LRRC28: variants seen among roughly 807,000 people sequenced by gnomAD.
LRRC28 encodes leucine rich repeat containing 28, also known as leucine-rich repeat-containing protein 28.
LRRC28 carries 39 observed loss-of-function variants against 45.7 expected under a neutral mutation model. The ratio of observed to expected loss-of-function variants is 0.85; its 90% CI spans 0.66 to 1.12. The LOEUF (loss-of-function observed/expected upper bound fraction) is 1.12, where lower values mean the gene tolerates loss of function less well. Among genes scored for constraint, LRRC28 ranks in the 50% most tolerant of loss-of-function variants. The probability of loss-of-function intolerance (pLI) is 0.00; values close to 1 mark genes in which losing one functional copy is unlikely to be tolerated. For missense variants in LRRC28, 435 were observed against 438.5 expected, an observed-to-expected ratio of 0.99 and a Z score of 0.07; for synonymous variants, 206 against 178.8, an observed-to-expected ratio of 1.15 and a Z score of -1.22.
intron 5 of LRRC28, 172 bp from the exon 6 acceptor site, chr15:99,333,751 C>A: frequency 1.5e-6 from 1 of 677,130 alleles, no homozygotes; most frequent in Non-Finnish European, 2.5e-6. Context: ...AAAACACTCA[C>A]CTAGCTTGGA....
chr15:99,363,429 A>G, intron 9 of LRRC28, 164 bp downstream of exon 9: 1 of 691,526 alleles, frequency 1.4e-6, no homozygotes, highest in Non-Finnish European at 2.3e-6. Flanking sequence ...CAACATCACA[A>G]GAAAACTGGA....
intron 9 of LRRC28, among the ~76,000 whole-genome samples, chr15:99,370,123 A>G (rs1341408055): frequency 6.6e-6 from 1 of 152,212 alleles, no homozygotes; most frequent in Non-Finnish European, 1.5e-5. Context: ...GAAGATTGCA[A>G]ACTGGGCCAA....
intron 6 of LRRC28, among the ~76,000 whole-genome samples, chr15:99,336,251 A>G (rs1209457607): frequency 6.6e-6 from 1 of 152,234 alleles, no homozygotes; most frequent in Non-Finnish European, 1.5e-5. Flanking sequence ...AAAATCTATT[A>G]TTATAAAAGT....
chr15:99,288,228 G>A (rs900225835), intron 5 of LRRC28, among the ~76,000 whole-genome samples: 2 of 152,104 alleles, frequency 1.3e-5, no homozygotes, highest in Non-Finnish European at 2.9e-5. Flanking sequence ...CAAAATATTT[G>A]TACAAAGAGT....
At chr15:99,336,072 A>G (rs565422151) in intron 6 of LRRC28, among the ~76,000 whole-genome samples, 2 of 152,334 alleles carry the variant, frequency 1.3e-5, no homozygotes, top group Admixed American at 1.3e-4. Context: ...CAGACAATAT[A>G]TGTAAAAAGG....
intron 6 of LRRC28, among the ~76,000 whole-genome samples, chr15:99,336,558 C>G (rs1441817061): frequency 6.6e-6 from 1 of 152,174 alleles, no homozygotes; most frequent in Non-Finnish European, 1.5e-5. Flanking sequence ...TTGACACTCT[C>G]GTTGGCCTCA....
intron 2 of LRRC28, among the ~76,000 whole-genome samples, chr15:99,270,965 G>T (rs1355568194): frequency 6.6e-6 from 1 of 152,116 alleles, no homozygotes; most frequent in Non-Finnish European, 1.5e-5. Context: ...TGTCATAGTG[G>T]GTATGAAGTG....
At chr15:99,337,695 G>A (rs1358350448) in intron 6 of LRRC28, among the ~76,000 whole-genome samples, 1 of 152,206 alleles carries the variant, frequency 6.6e-6, no homozygotes, top group Non-Finnish European at 1.5e-5. Flanking sequence ...GCACTTTGAG[G>A]AGGATGCCTT....
chr15:99,259,839 A>G lies in LRRC28; in HGVS notation c.168+3714A>G, dbSNP rs2081142392. The G allele has an allele frequency of 1.7e-5, 14 of 838,576 alleles. No individual in the cohort carries two copies. In the Admixed American group the frequency reaches 2.4e-4, roughly 14 times the overall value. 51.9% of individuals were successfully genotyped at this position (838,576 alleles called of 1,614,324 possible). A position where few individuals can be genotyped will look rare whatever the true frequency, so the allele number is the denominator to read the frequency against. On this transcript the variant is annotated intron_variant, in intron 2 of 9. Coordinates refer to ENST00000301981, the MANE Select transcript of LRRC28 (RefSeq NM_144598.5). The stretch of plus-strand genomic sequence containing the variant: ...ACACTAAAGCATATGGAGATAGAAT[A>G]GAAAGAATGCCTTGCCTCAGTTTGA...
At chr15:99,271,562 C>A (rs12592035) in intron 2 of LRRC28, among the ~76,000 whole-genome samples, 14,425 of 151,986 alleles carry the variant, frequency 0.095, 939 homozygotes, top group East Asian at 0.32. Context: ...CAGGCGTGAG[C>A]CACCGCATCC....
At chr15:99,256,735 A>G (rs1261738115) in intron 2 of LRRC28, among the ~76,000 whole-genome samples, 1 of 152,246 alleles carries the variant, frequency 6.6e-6, no homozygotes, top group Non-Finnish European at 1.5e-5. Flanking sequence ...TTTATGTTCT[A>G]AGAATAAGCA....
intron 9 of LRRC28, among the ~76,000 whole-genome samples, chr15:99,376,978 T>G (rs546227117): frequency 6.6e-6 from 1 of 152,368 alleles, no homozygotes; most frequent in African/African-American, 2.4e-5. Flanking sequence ...AAGTCTTTGC[T>G]ATTGTGAATA....
intron 5 of LRRC28, among the ~76,000 whole-genome samples, chr15:99,303,758 C>T (rs1167782889): frequency 3.3e-5 from 5 of 151,832 alleles, no homozygotes; most frequent in South Asian, 2.1e-4. Context: ...CGCATGAATC[C>T]GGGAGGTGGA....
chr15:99,253,403 G>A (rs570372236), intron 1 of LRRC28, among the ~76,000 whole-genome samples: 5 of 152,330 alleles, frequency 3.3e-5, no homozygotes, highest in African/African-American at 1.2e-4. Context: ...TTACAGGCGT[G>A]AGCCACTGCG....
At chr15:99,378,825 T>G (rs1488584245) in intron 9 of LRRC28, among the ~76,000 whole-genome samples, 1 of 152,220 alleles carries the variant, frequency 6.6e-6, no homozygotes, top group Non-Finnish European at 1.5e-5. Context: ...TGGTTCTGTT[T>G]ATATGATGGA....
intron 7 of LRRC28, among the ~76,000 whole-genome samples, chr15:99,360,591 G>C (rs1957173053): frequency 6.6e-6 from 1 of 152,198 alleles, no homozygotes. Context: ...ATCTGGTCAA[G>C]GTTAGTGATA....
intron 9 of LRRC28, among the ~76,000 whole-genome samples, chr15:99,382,263 T>G (rs888559077): frequency 1.3e-5 from 2 of 152,192 alleles, no homozygotes; most frequent in African/African-American, 4.8e-5. Flanking sequence ...ACTGCCACCT[T>G]GCAGATGGAT....
intron 6 of LRRC28, among the ~76,000 whole-genome samples, chr15:99,342,316 A>G (rs1186955885): frequency 6.6e-6 from 1 of 152,106 alleles, no homozygotes; most frequent in Non-Finnish European, 1.5e-5. Flanking sequence ...CCTGGCCTGC[A>G]TGGGAGTGCC....
At chr15:99,353,751 T>G (rs1462248794) in intron 7 of LRRC28, 4 of 152,206 alleles carry the variant, frequency 2.6e-5, no homozygotes, top group Non-Finnish European at 5.9e-5. Context: ...CACCAAAACC[T>G]TCAGAGACCA....
Sources: gnomAD v4.1 joint callset for allele counts (sites outside exome capture counted in the v4.1 genomes callset) on GRCh38, gnomAD v4.1.1 for gene constraint, MANE v1.5 for transcripts, NCBI Gene and HGNC (gene_info 2026-07-23, HGNC 2026-07-21) for gene names.